METTL15: variants seen among roughly 807,000 people sequenced by gnomAD.
The protein encoded by METTL15 is 12S rRNA N(4)-cytidine methyltransferase METTL15.
METTL15 carries 34 observed loss-of-function variants against 38.3 expected under a neutral mutation model. The ratio of observed to expected loss-of-function variants is 0.89; its 90% CI spans 0.68 to 1.18. The LOEUF is 1.18. METTL15 is among the 50% of genes most tolerant of loss of function. The pLI is 0.00. For synonymous variants in METTL15, 162 were observed against 170.9 expected, an observed-to-expected ratio of 0.95 and a Z score of 0.41; for missense variants, 438 against 498.4, an observed-to-expected ratio of 0.88 and a Z score of 1.15.
chr11:28,119,167 A>G (rs775607273), intron 3 of METTL15, among the ~76,000 whole-genome samples: 1 of 152,184 alleles, frequency 6.6e-6, no homozygotes, highest in Non-Finnish European at 1.5e-5. Context: ...ACTTTTCTTC[A>G]TAGCAACTTA....
At chr11:28,263,902 T>C (rs956178254) in intron 4 of METTL15, among the ~76,000 whole-genome samples, 2 of 152,072 alleles carry the variant, frequency 1.3e-5, no homozygotes, top group Non-Finnish European at 2.9e-5. Context: ...CTTATTATCC[T>C]CCCAAGATGA....
At chr11:28,277,697 A>T (rs1428127949) in intron 4 of METTL15, among the ~76,000 whole-genome samples, 2 of 152,180 alleles carry the variant, frequency 1.3e-5, no homozygotes, top group Non-Finnish European at 2.9e-5. Flanking sequence ...TTAAAAAAAC[A>T]AAAAGCAAAA....
chr11:28,216,143 ATGTGCTCCTTAGTT>A (rs1852858385), intron 4 of METTL15, among the ~76,000 whole-genome samples: 1 of 152,102 alleles, frequency 6.6e-6, no homozygotes, highest in South Asian at 2.1e-4. Context: ...GATTTGGATG[ATGTGCTCCTTAGTT>A]TGTATGGGGC....
At chr11:28,155,996 T>G (rs887144989) in intron 3 of METTL15, among the ~76,000 whole-genome samples, 2 of 152,200 alleles carry the variant, frequency 1.3e-5, no homozygotes, top group East Asian at 3.9e-4. Flanking sequence ...TAAACGTGAC[T>G]TAGCAGAAAC....
intron 5 of METTL15, among the ~76,000 whole-genome samples, chr11:28,410,271 G>A (rs1310197636): frequency 6.6e-6 from 1 of 152,056 alleles, no homozygotes; most frequent in Non-Finnish European, 1.5e-5. Flanking sequence ...AACACATTTT[G>A]ACGAGGCCAG....
intron 4 of METTL15, among the ~76,000 whole-genome samples, chr11:28,235,783 T>TTGAA (rs1479122305): frequency 6.6e-6 from 1 of 152,214 alleles, no homozygotes; most frequent in African/African-American, 2.4e-5. Context: ...GTTTTCCCAA[T>TTGAA]TGAATACCCT....
At chr11:28,172,570 A>C (rs934115380) in intron 3 of METTL15, among the ~76,000 whole-genome samples, 2 of 152,080 alleles carry the variant, frequency 1.3e-5, no homozygotes, top group Non-Finnish European at 2.9e-5. Context: ...CCGTTTTAGC[A>C]CTCTACTAAC....
At chr11:28,427,750 A>G (rs957165473) in intron 6 of METTL15, among the ~76,000 whole-genome samples, 11 of 152,202 alleles carry the variant, frequency 7.2e-5, no homozygotes, top group Admixed American at 6.5e-4. Context: ...TTGTTGGTGT[A>G]TAGGAATGCT....
intron 5 of METTL15, among the ~76,000 whole-genome samples, chr11:28,409,846 G>T (rs1267987595): frequency 6.6e-6 from 1 of 151,754 alleles, no homozygotes; most frequent in Non-Finnish European, 1.5e-5. Flanking sequence ...ACCAAGAGTT[G>T]GTTTTTTGAA....
chr11:28,208,656 G>C (rs1431282456), intron 3 of METTL15, among the ~76,000 whole-genome samples: 1 of 152,124 alleles, frequency 6.6e-6, no homozygotes, highest in Admixed American at 6.6e-5. Context: ...TTCAATTCCT[G>C]AGTATCCTTG....
intron 5 of METTL15, among the ~76,000 whole-genome samples, chr11:28,395,362 A>G (rs1850557174): frequency 6.6e-6 from 1 of 152,126 alleles, no homozygotes; most frequent in African/African-American, 2.4e-5. Context: ...TTTCTGAGGG[A>G]TGGTAAATGA....
chr11:28,330,872 T>C lies in METTL15; in HGVS notation c.*31T>C, dbSNP rs1219037580. ...CATCATCTTATTCTTCAAATTTTTT[T>C]CTCACAATTTCTCTAATCTTTACTC... On this transcript the variant is annotated 3_prime_UTR_variant, in exon 7 of 7. Coordinates refer to ENST00000407364, the MANE Select transcript of METTL15 (RefSeq NM_001113528.2). The C allele has an allele frequency of 2.0e-6, 3 of 1,466,856 alleles. No homozygotes were observed. In the South Asian group the frequency reaches 4.1e-5, roughly 20 times the overall value. 90.9% of individuals were successfully genotyped at this position (1,466,856 alleles called of 1,614,324 possible).
intron 4 of METTL15, among the ~76,000 whole-genome samples, chr11:28,263,178 C>T (rs2133943623): frequency 6.6e-6 from 1 of 151,836 alleles, no homozygotes; most frequent in East Asian, 1.9e-4. Context: ...TCTTCCTGTC[C>T]TCTGGAATTG....
chr11:28,372,223 T>C (rs574432649), intron 5 of METTL15, among the ~76,000 whole-genome samples: 4 of 152,162 alleles, frequency 2.6e-5, no homozygotes, highest in Admixed American at 2.0e-4. Flanking sequence ...CCAGCACCTA[T>C]TGAAATTATC....
intron 6 of METTL15, among the ~76,000 whole-genome samples, chr11:28,466,362 A>G (rs1002265938): frequency 6.6e-6 from 1 of 152,232 alleles, no homozygotes; most frequent in African/African-American, 2.4e-5. Context: ...AAATAAATTC[A>G]GTTAATAAAG....
At chr11:28,431,809 A>AAAAAAAAAAAAAAAAAAAAAAAAAAAAAG (rs1564929904) in intron 6 of METTL15, among the ~76,000 whole-genome samples, 1 of 5,572 alleles carries the variant, frequency 1.8e-4, no homozygotes, top group African/African-American at 2.6e-4. Flanking sequence ...AAAAAAAAAG[A>AAAAAAAAAAAAAAAAAAAAAAAAAAAAAG]AAAAAAAAAA....
intron 3 of METTL15, among the ~76,000 whole-genome samples, chr11:28,122,333 ATGTG>A (rs61147516): frequency 1.6e-3 from 177 of 112,094 alleles, no homozygotes; most frequent in Admixed American, 3.7e-3. Context: ...ATGTGTGTAT[ATGTG>A]TGTGTGTGTG....
chr11:28,432,723 T>C (rs1341288137), intron 6 of METTL15, among the ~76,000 whole-genome samples: 1 of 152,212 alleles, frequency 6.6e-6, no homozygotes, highest in Non-Finnish European at 1.5e-5. Flanking sequence ...GTCAAAGGTA[T>C]GGCAGAGTGA....
intron 6 of METTL15, among the ~76,000 whole-genome samples, chr11:28,512,034 C>T (rs189568112): frequency 0.01 from 1,580 of 152,068 alleles, 13 homozygotes; most frequent in Non-Finnish European, 0.018. Context: ...TTGGTGCATT[C>T]ACAAACCCTG....
Sources: gnomAD v4.1 joint callset for allele counts (sites outside exome capture counted in the v4.1 genomes callset) on GRCh38, gnomAD v4.1.1 for gene constraint, MANE v1.5 for transcripts, NCBI Gene and HGNC (gene_info 2026-07-23, HGNC 2026-07-21) for gene names.